The following UMAD1 variants were observed in gnomAD, a reference collection of about 807,000 sequenced individuals.
UMAD1 encodes the protein UBAP1-MVB12-associated (UMA)-domain containing protein 1.
A neutral mutation model predicts 6.1 loss-of-function variants in UMAD1; 8 were observed. The ratio of observed to expected loss-of-function variants is 1.30; its 90% CI spans 0.76 to 2.35. The LOEUF is 2.35. Ranked by LOEUF, UMAD1 falls within the 30% of genes most tolerant of loss-of-function variation. The pLI, the probability that UMAD1 is intolerant of heterozygous loss-of-function variation, is 0.00. For synonymous variants in UMAD1, 56 were observed against 31.4 expected, an observed-to-expected ratio of 1.78 and a Z score of -2.61; for missense variants, 130 against 78.4, an observed-to-expected ratio of 1.66 and a Z score of -2.49.
chr7:7,667,021 C>A (rs951857595), intron 1 of UMAD1, among the ~76,000 whole-genome samples: 1 of 152,076 alleles, frequency 6.6e-6, no homozygotes, highest in Non-Finnish European at 1.5e-5. Context: ...TTGGCTAGGC[C>A]AGGTCTCTAA....
chr7:7,645,813 T>G (rs1219223134), intron 1 of UMAD1, among the ~76,000 whole-genome samples: 1 of 132,676 alleles, frequency 7.5e-6, no homozygotes, highest in East Asian at 2.0e-4. Flanking sequence ...TGTTTTTGTT[T>G]AGGATTTTTT....
At chr7:7,703,824 C>T (rs1249321441) in intron 2 of UMAD1, among the ~76,000 whole-genome samples, 1 of 152,024 alleles carries the variant, frequency 6.6e-6, no homozygotes, top group Non-Finnish European at 1.5e-5. Flanking sequence ...CCCCTGTAGT[C>T]CCAGCTATTT....
chr7:7,842,345 T>C (rs1016691845), intron 3 of UMAD1, among the ~76,000 whole-genome samples: 1 of 152,188 alleles, frequency 6.6e-6, no homozygotes, highest in Non-Finnish European at 1.5e-5. Context: ...TCATCGTTTA[T>C]TTTTTGTTGT....
chr7:7,859,927 T>C (rs1784083487), intron 3 of UMAD1, among the ~76,000 whole-genome samples: 1 of 152,234 alleles, frequency 6.6e-6, no homozygotes, highest in South Asian at 2.1e-4. Flanking sequence ...TGTTGAAGCA[T>C]TATAATTTTT....
chr7:7,793,356 A>G (rs1268247612), intron 2 of UMAD1, among the ~76,000 whole-genome samples: 7 of 152,190 alleles, frequency 4.6e-5, no homozygotes. Context: ...GCTGCCTAGA[A>G]TAATGAGTGT....
At chr7:7,833,662 C>A (rs1014632989) in intron 3 of UMAD1, among the ~76,000 whole-genome samples, 4 of 152,104 alleles carry the variant, frequency 2.6e-5, no homozygotes, top group African/African-American at 4.8e-5. Flanking sequence ...GCAAAGATGG[C>A]AGGATAGGAA....
At chr7:7,784,479 G>A (rs1002359372) in intron 2 of UMAD1, among the ~76,000 whole-genome samples, 10 of 150,944 alleles carry the variant, frequency 6.6e-5, no homozygotes, top group African/African-American at 2.0e-4. Flanking sequence ...GGGGCTACAG[G>A]CACCTGCCAC....
intron 2 of UMAD1, among the ~76,000 whole-genome samples, chr7:7,683,499 A>T (rs867798366): frequency 6.6e-6 from 1 of 152,232 alleles, no homozygotes; most frequent in African/African-American, 2.4e-5. Flanking sequence ...TGAGCCATAA[A>T]CAAAAAGCAA....
intron 3 of UMAD1, among the ~76,000 whole-genome samples, chr7:7,835,436 TCA>T: frequency 6.8e-6 from 1 of 146,982 alleles, no homozygotes; most frequent in Non-Finnish European, 1.5e-5. Context: ...TGATTTTCAT[TCA>T]TTCATTCACT....
chr7:7,665,426 G>A (rs1779418843), intron 1 of UMAD1, among the ~76,000 whole-genome samples: 1 of 152,184 alleles, frequency 6.6e-6, no homozygotes, highest in African/African-American at 2.4e-5. Context: ...GACTGTCCCT[G>A]TAACACAAAG....
chr7:7,682,758 A>ACT (rs999715343), intron 2 of UMAD1, among the ~76,000 whole-genome samples: 6 of 152,082 alleles, frequency 3.9e-5, no homozygotes, highest in African/African-American at 1.4e-4. Context: ...ATCCAGAAAA[A>ACT]CTCGATTTAC....
chr7:7,764,087 A>G (rs945037562), intron 2 of UMAD1, among the ~76,000 whole-genome samples: 37 of 152,218 alleles, frequency 2.4e-4, no homozygotes, highest in African/African-American at 8.4e-4. Context: ...TTAATGAGAG[A>G]CAATGCTTAG....
chr7:7,655,162 A>G (rs1368550842), intron 1 of UMAD1, among the ~76,000 whole-genome samples: 3 of 152,144 alleles, frequency 2.0e-5, no homozygotes, highest in Non-Finnish European at 4.4e-5. Flanking sequence ...TGAGATTATC[A>G]AATGATGCCT....
intron 3 of UMAD1, among the ~76,000 whole-genome samples, chr7:7,842,893 C>T (rs1783710273): frequency 6.6e-6 from 1 of 152,170 alleles, no homozygotes; most frequent in Non-Finnish European, 1.5e-5. Context: ...TCCATGCCCT[C>T]CCAGACCTCT....
At chr7:7,818,315 G>T (rs939723736) in intron 3 of UMAD1, among the ~76,000 whole-genome samples, 1 of 152,112 alleles carries the variant, frequency 6.6e-6, no homozygotes, top group Non-Finnish European at 1.5e-5. Context: ...ATATGGTCTT[G>T]TTCTTTTTTA....
chr7:7,724,586 G>A (rs1434723880), intron 2 of UMAD1, among the ~76,000 whole-genome samples: 3 of 152,122 alleles, frequency 2.0e-5, no homozygotes, highest in East Asian at 1.9e-4. Context: ...AAGATGCAGG[G>A]GTGGTGATTC....
intron 2 of UMAD1, among the ~76,000 whole-genome samples, chr7:7,728,857 G>A (rs552584242): frequency 2.0e-5 from 3 of 152,204 alleles, no homozygotes; most frequent in South Asian, 2.1e-4. Flanking sequence ...TGGGCCTACC[G>A]TATGTCAGTG....
At chr7:7,777,222 A>G (rs759641422) in intron 2 of UMAD1, among the ~76,000 whole-genome samples, 3 of 151,962 alleles carry the variant, frequency 2.0e-5, no homozygotes, top group Admixed American at 6.6e-5. Context: ...AAACAATACT[A>G]CAGGCTGGGC....
rs564818722 is a variant in UMAD1, at chr7:7,878,074, A to G, written c.*536A>G. The G allele has an allele frequency of 3.8e-5, 6 of 156,010 alleles. 1 individual carries two copies. Among genetic ancestry groups the G allele is most frequent in the African/African-American group, 1.4e-4 (6 of 41,590 alleles). 9.7% of individuals were successfully genotyped at this position (156,010 alleles called of 1,614,324 possible). ...AAAACTTGTCCTAAACAGCAGTGCT[A>G]GTTTGCTGATACAAGGATGCTAGAC... On this transcript the variant is annotated 3_prime_UTR_variant, in exon 4 of 4. Transcript: ENST00000682710.
Sources: allele counts gnomAD v4.1 joint callset (sites outside exome capture counted in the v4.1 genomes callset), GRCh38; gene constraint gnomAD v4.1.1; transcripts MANE v1.5; gene names NCBI Gene and HGNC (gene_info 2026-07-23, HGNC 2026-07-21).